The following RLN1 variants were observed in gnomAD, a reference collection of about 807,000 sequenced individuals.
RLN1 encodes relaxin 1.
Under a neutral mutation model 7.2 loss-of-function variants are expected in RLN1, and 4 were observed. That is an observed-to-expected ratio of 0.56 (90% CI 0.28 to 1.28). RLN1 has a LOEUF of 1.28. RLN1 is among the 50% of genes most tolerant of loss of function. The probability of loss-of-function intolerance (pLI) is 0.11; values close to 1 mark genes in which losing one functional copy is unlikely to be tolerated. For missense variants in RLN1, 293 were observed against 221.1 expected, an observed-to-expected ratio of 1.32 and a Z score of -2.06; for synonymous variants, 105 against 86.0, an observed-to-expected ratio of 1.22 and a Z score of -1.22.
chr9:5,340,150 C>G (rs1226435874), upstream of RLN1, among the ~76,000 whole-genome samples: 1 of 152,214 alleles, frequency 6.6e-6, no homozygotes, highest in African/African-American at 2.4e-5. Context: ...AATATTCTTA[C>G]AACCCAGTTT....
chr9:5,339,496 G>A (rs780649193), intron 1 of RLN1, 40 bp downstream of exon 1: 86 of 1,427,446 alleles, frequency 6.0e-5, no homozygotes, highest in Non-Finnish European at 8.0e-5. Flanking sequence ...AGTAACCAAT[G>A]GGAAGCGCGG....
Position 5,335,066 on chromosome 9 carries a change from G to C in RLN1, c.*185C>G. The C allele has an allele frequency of 2.0e-6, 1 of 490,228 alleles. No individual in the cohort carries two copies. Among genetic ancestry groups the C allele is most frequent in the Non-Finnish European group, 3.5e-6 (1 of 281,756 alleles). The allele number at this position is 490,228 out of a possible 1,614,324, so 30.4% of individuals were successfully genotyped here. ...AAAAAGACAAAAAGACTTCAGCATA[G>C]AAAGTGTCATTTACAGAAACTACAA... On this transcript the variant is annotated 3_prime_UTR_variant, in exon 2 of 2. Transcript: ENST00000223862.
At chr9:5,340,652 T>A (rs944527762), upstream of RLN1, among the ~76,000 whole-genome samples, 5 of 152,220 alleles carry the variant, frequency 3.3e-5, no homozygotes, top group African/African-American at 1.2e-4. Context: ...TTCATTTGTT[T>A]ACTGTATTTT....
At chr9:5,336,698 T>G (rs557447439) in intron 1 of RLN1, among the ~76,000 whole-genome samples, 2 of 152,106 alleles carry the variant, frequency 1.3e-5, no homozygotes. Context: ...TAAATTATAG[T>G]GTAAACTCAG....
rs145609606 is a variant in RLN1, at chr9:5,337,259, C to G, written c.212-1662G>C. ...AAAGCTGATGGTAATTTTCTGTATA[C>G]TTAAAGCCAGTTAAATGAATCAGCC... On this transcript the variant is annotated intron_variant, in intron 1 of 1. Coordinates refer to ENST00000223862, the MANE Select transcript of RLN1 (RefSeq NM_006911.4). Among the ~76,000 whole-genome samples the G allele has an allele frequency of 2.0e-3, 300 of 152,110 alleles. 5 individuals carry two copies. Among genetic ancestry groups the G allele is most frequent in the African/African-American group, 7.0e-3 (292 of 41,474 alleles).
At chr9:5,340,189 T>C (rs1365386347), upstream of RLN1, among the ~76,000 whole-genome samples, 1 of 152,336 alleles carries the variant, frequency 6.6e-6, no homozygotes, top group East Asian at 1.9e-4. Flanking sequence ...CAAAAACCCT[T>C]CTAACCTAAA....
intron 1 of RLN1, among the ~76,000 whole-genome samples, chr9:5,337,217 C>G (rs1283946462): frequency 6.6e-6 from 1 of 151,902 alleles, no homozygotes; most frequent in African/African-American, 2.4e-5. Context: ...TAGTTGCAGT[C>G]TTATTAAATG....
chr9:5,335,551 G>A lies in RLN1; in HGVS notation c.258C>T (p.Ile86=), dbSNP rs781684414. 41 of 1,611,194 alleles carry A rather than the reference G, an allele frequency of 2.5e-5. 3 individuals are homozygous for A. The South Asian group carries it at 4.2e-4, about 17-fold the overall frequency. ...FINKDTETII[I]MLEFIANLPP... The stretch of plus-strand genomic sequence containing the variant: ...GCAAATTAGCAATGAATTCCAACAT[G>A]ATAATTATAGTTTCTGTATCTTTGT... Residue 86 remains isoleucine, a synonymous_variant, in exon 2 of 2, where the codon ATC becomes ATT. Transcript: ENST00000223862.
At chr9:5,339,989 C>A, upstream of RLN1, 1 of 558,644 alleles carries the variant, frequency 1.8e-6, no homozygotes. Context: ...CTCCGCCCTT[C>A]CTTCATTTGC....
chr9:5,339,676 G>C lies in RLN1; in HGVS notation c.71C>G (p.Ala24Gly). 1 of 1,613,232 alleles carries C rather than the reference G, an allele frequency of 6.2e-7. No homozygotes were observed. Among genetic ancestry groups the C allele is most frequent in the Non-Finnish European group, 8.5e-7 (1 of 1,180,024 alleles). ...LLLNQFSRAV[A>G]AKWKDDVIKL... Reference sequence around the variant, plus strand: ...AATAACATCGTCCTTCCATTTGGCCGCGACTGCTCTGGAAAATTGGTTCAG... The same window carrying C: ...AATAACATCGTCCTTCCATTTGGCCCCGACTGCTCTGGAAAATTGGTTCAG... The change falls in exon 1 of 2, where the codon GCG (alanine) becomes GGG (glycine). Residue 24 changes from alanine to glycine, a missense_variant. Physicochemically the swap from Ala to Gly is moderately conservative, Grantham distance 60. Transcript: ENST00000223862.
chr9:5,340,365 T>A (rs540332722), upstream of RLN1, among the ~76,000 whole-genome samples: 1 of 152,220 alleles, frequency 6.6e-6, no homozygotes, highest in South Asian at 2.1e-4. Context: ...AACATCATTT[T>A]AGGCTTGTGC....
In RLN1 at chr9:5,334,946, C is replaced by T. The variant is rs60035170; in HGVS notation, c.*305G>A. The T allele has an allele frequency of 2.1e-3, 493 of 232,496 alleles. 10 individuals are homozygous for T. The highest frequency in any genetic ancestry group is 0.01 in the African/African-American group (451 of 43,874). The allele number at this position is 232,496 out of a possible 1,614,324, so 14.4% of individuals were successfully genotyped here. ...CACCTCATGTAACTGTTGTTAGGTA[C>T]TGTATTGTTATTATGTATGGTTAAA... On this transcript the variant is annotated 3_prime_UTR_variant, in exon 2 of 2. Coordinates refer to ENST00000223862, the MANE Select transcript of RLN1 (RefSeq NM_006911.4).
In RLN1 at chr9:5,339,630, T is replaced by C; in HGVS notation, c.117A>G (p.Leu39=). 6.2e-7 allele frequency: 1 copy of C among 1,612,600 alleles called. No individual in the cohort carries two copies. Among genetic ancestry groups the C allele is most frequent in the Non-Finnish European group, 8.5e-7 (1 of 1,180,004 alleles). The stretch of plus-strand genomic sequence containing the variant: ...CGCAAATGGCAATCTGCGCGCGAAC[T>C]AATTCGCGGCCGCATAATTTAATAA... ...DDVIKLCGRE[L]VRAQIAICGM... Residue 39 remains leucine, a synonymous_variant, in exon 1 of 2, where the codon TTA becomes TTG. Coordinates refer to ENST00000223862, the MANE Select transcript of RLN1 (RefSeq NM_006911.4).
chr9:5,335,105 ATT>A lies in RLN1; in HGVS notation c.*144_*145del, dbSNP rs766996206. On this transcript the variant is annotated 3_prime_UTR_variant, in exon 2 of 2. Coordinates refer to ENST00000223862, the MANE Select transcript of RLN1 (RefSeq NM_006911.4). ...CAGAAACTACAATCATACAAAGAAT[ATT>A]TTCTTACACACCAAATGAAAAATCT... is the stretch of plus-strand genomic sequence containing the variant. 24 of 524,730 alleles carry A rather than the reference ATT, an allele frequency of 4.6e-5. No homozygotes were observed. Among genetic ancestry groups the A allele is most frequent in the Non-Finnish European group, 7.9e-5 (24 of 305,290 alleles). The allele number at this position is 524,730 out of a possible 1,614,324, so 32.5% of individuals were successfully genotyped here.
Position 5,335,050 on chromosome 9 carries a change from A to G in RLN1, c.*201T>C. On this transcript the variant is annotated 3_prime_UTR_variant, in exon 2 of 2. Transcript: ENST00000223862. Reference sequence around the variant, plus strand: ...CAATTATACTGTTAATAAAAAGACAAAAAGACTTCAGCATAGAAAGTGTCA... The same window carrying G: ...CAATTATACTGTTAATAAAAAGACAGAAAGACTTCAGCATAGAAAGTGTCA... The G allele has an allele frequency of 2.1e-6, 1 of 466,910 alleles. No individual in the cohort carries two copies. The highest frequency in any genetic ancestry group is 3.7e-6 in the Non-Finnish European group (1 of 268,302). 28.9% of individuals were successfully genotyped at this position (466,910 alleles called of 1,614,324 possible).
chr9:5,335,595 TTTCTG>T lies in RLN1; in HGVS notation c.212-3_213del. On this transcript the variant is annotated splice_acceptor_variant and splice_polypyrimidine_tract_variant and coding_sequence_variant and intron_variant, in exon 2 of 2. Transcript: ENST00000223862. LOFTEE classifies it high-confidence loss of function. ...TCTTTGTTGATGAAGGATGGTACAA[TTTCTG>T]TTAAGTTTAAAAAAAAAGTGTATGT... 6.3e-7 allele frequency: 1 copy of T among 1,592,480 alleles called. No homozygotes were observed. The highest frequency in any genetic ancestry group is 1.1e-5 in the South Asian group (1 of 88,460).
rs573181231 is a variant in RLN1, at chr9:5,339,690, A to G, written c.57T>C (p.Phe19=). 6.2e-7 allele frequency: 1 copy of G among 1,613,246 alleles called. No homozygotes were observed. The highest frequency in any genetic ancestry group is 2.2e-5 in the East Asian group (1 of 44,882). ...LLEFCLLLNQ[F]SRAVAAKWKD... is the part of the protein sequence containing the mutation. Reference sequence around the variant, plus strand: ...TCCATTTGGCCGCGACTGCTCTGGAAAATTGGTTCAGTAGTAAACAGAATT... The same window carrying G: ...TCCATTTGGCCGCGACTGCTCTGGAGAATTGGTTCAGTAGTAAACAGAATT... Residue 19 remains phenylalanine (F), a synonymous_variant, in exon 1 of 2, where the codon TTT becomes TTC. Coordinates refer to ENST00000223862, the MANE Select transcript of RLN1 (RefSeq NM_006911.4).
At chr9:5,336,680 A>G (rs1326134941) in intron 1 of RLN1, among the ~76,000 whole-genome samples, 1 of 152,122 alleles carries the variant, frequency 6.6e-6, no homozygotes, top group East Asian at 1.9e-4. Flanking sequence ...ATAAACACTG[A>G]CAATGTTTAA....
chr9:5,340,314 CT>C (rs1237095656), upstream of RLN1, among the ~76,000 whole-genome samples: 1 of 152,132 alleles, frequency 6.6e-6, no homozygotes, highest in Non-Finnish European at 1.5e-5. Flanking sequence ...AAACTGATGA[CT>C]TTTAATCTGA....
Sources: allele counts gnomAD v4.1 joint callset (sites outside exome capture counted in the v4.1 genomes callset), GRCh38; gene constraint gnomAD v4.1.1; transcripts MANE v1.5; gene names NCBI Gene and HGNC (gene_info 2026-07-23, HGNC 2026-07-21).